The following METTL8 variants were observed in gnomAD, a reference collection of about 807,000 sequenced individuals.
The protein encoded by METTL8 is tRNA N(3)-cytidine methyltransferase METTL8, mitochondrial.
In METTL8, 32 loss-of-function variants were observed where a neutral mutation model predicts 48.7. The ratio of observed to expected loss-of-function variants is 0.66; its 90% CI spans 0.50 to 0.88. The LOEUF (loss-of-function observed/expected upper bound fraction) is 0.88. Ranked by LOEUF, METTL8 falls within the 40% of genes least tolerant of loss-of-function variation. The probability of loss-of-function intolerance (pLI) is 0.00; values close to 1 mark genes in which losing one functional copy is unlikely to be tolerated. For missense variants in METTL8, 464 were observed against 474.4 expected (o/e 0.98, Z 0.20); for synonymous variants, 136 against 157.1 (o/e 0.87, Z 1.01).
At chr2:171,357,759 A>T (rs1312788705) in intron 3 of METTL8, among the ~76,000 whole-genome samples, 1 of 152,070 alleles carries the variant, frequency 6.6e-6, no homozygotes, top group African/African-American at 2.4e-5. Context: ...CAGTGGCACA[A>T]TTACAGCTTA....
intron 3 of METTL8, among the ~76,000 whole-genome samples, chr2:171,342,086 C>T (rs769806485): frequency 1.3e-5 from 2 of 152,228 alleles, no homozygotes; most frequent in Non-Finnish European, 2.9e-5. Flanking sequence ...GAAGCCCCTA[C>T]TCTCAGAACA....
chr2:171,337,557 C>G (rs1686251652), intron 4 of METTL8, 55 bp from the exon 5 acceptor site: 1 of 1,380,688 alleles, frequency 7.2e-7, no homozygotes, highest in Admixed American at 2.0e-5. Flanking sequence ...ATTTTTGTCA[C>G]CAATGTCAGA....
At chr2:171,357,461 A>C (rs549311665) in intron 3 of METTL8, among the ~76,000 whole-genome samples, 1 of 152,352 alleles carries the variant, frequency 6.6e-6, no homozygotes, top group Non-Finnish European at 1.5e-5. Flanking sequence ...GATACCTAGA[A>C]ATCAATTAAA....
At chr2:171,363,816 C>CT (rs1273986340) in intron 2 of METTL8, among the ~76,000 whole-genome samples, 752 of 44,590 alleles carry the variant, frequency 0.017, 16 homozygotes, top group African/African-American at 0.051. Flanking sequence ...ATATATATAT[C>CT]TTTTTTTTTT....
intron 1 of METTL8, among the ~76,000 whole-genome samples, chr2:171,425,479 C>T (rs1249410102): frequency 6.6e-6 from 1 of 152,158 alleles, no homozygotes. Context: ...CTCCTATTTG[C>T]TTTGAAGAAG....
chr2:171,359,585 T>C lies in METTL8; in HGVS notation c.235+837A>G, dbSNP rs370264163. On this transcript the variant is annotated intron_variant, in intron 3 of 9. Transcript: ENST00000375258. The stretch of plus-strand genomic sequence containing the variant: ...ACTCCCATGTCTACTGCAGCTCTAT[T>C]CATAGTAGCCATAACATGGAATCAA... Among the ~76,000 whole-genome samples the C allele has an allele frequency of 2.8e-4, 43 of 152,042 alleles. No homozygotes were observed. The South Asian group carries it at 8.5e-3, about 30-fold the overall frequency.
intron 1 of METTL8, among the ~76,000 whole-genome samples, chr2:171,405,441 T>C (rs139496751): frequency 2.6e-5 from 4 of 152,334 alleles, no homozygotes; most frequent in Non-Finnish European, 5.9e-5. Context: ...AAATCAGTGA[T>C]GACCTTTATC....
At chr2:171,371,021 C>T (rs1686274350) in intron 2 of METTL8, among the ~76,000 whole-genome samples, 1 of 152,096 alleles carries the variant, frequency 6.6e-6, no homozygotes, top group Non-Finnish European at 1.5e-5. Context: ...TATAATTATT[C>T]TATTTCATCA....
intron 7 of METTL8, among the ~76,000 whole-genome samples, chr2:171,328,388 T>C (rs939076330): frequency 6.6e-6 from 1 of 152,230 alleles, no homozygotes; most frequent in Non-Finnish European, 1.5e-5. Flanking sequence ...TCTAGCCAAA[T>C]TGCTTGCCAT....
chr2:171,386,755 C>A (rs1688091265), intron 2 of METTL8, among the ~76,000 whole-genome samples: 1 of 152,112 alleles, frequency 6.6e-6, no homozygotes, highest in African/African-American at 2.4e-5. Context: ...TGAGGACAGG[C>A]ATTTCCTGCC....
Position 171,371,375 on chromosome 2 carries a change from G to GA in METTL8, c.144-10863dup, listed in dbSNP as rs1377795536. Reference sequence around the variant, plus strand: ...ATTTTTCATTATTAATTTATTTTTTGAGACAGAATCTCACTCCATCACCCA... The same window carrying GA: ...ATTTTTCATTATTAATTTATTTTTTGAAGACAGAATCTCACTCCATCACCCA... On this transcript the variant is annotated intron_variant, in intron 2 of 9. Transcript: ENST00000375258. 5.9e-5 allele frequency among the ~76,000 whole-genome samples: 9 copies of GA among 151,940 alleles called. No homozygotes were observed. In the East Asian group the frequency reaches 1.2e-3, roughly 20 times the overall value.
intron 3 of METTL8, among the ~76,000 whole-genome samples, chr2:171,355,312 C>T (rs1684405468): frequency 6.6e-6 from 1 of 152,226 alleles, no homozygotes; most frequent in Non-Finnish European, 1.5e-5. Context: ...ATGCTGCTGT[C>T]TGATCGTTCC....
intron 2 of METTL8, among the ~76,000 whole-genome samples, chr2:171,365,651 C>A (rs999267771): frequency 6.6e-6 from 1 of 152,158 alleles, no homozygotes; most frequent in Non-Finnish European, 1.5e-5. Flanking sequence ...TACAAACAAA[C>A]ACACACATTT....
chr2:171,430,088 TAG>T, intron 1 of METTL8, among the ~76,000 whole-genome samples: 1 of 148,384 alleles, frequency 6.7e-6, no homozygotes, highest in East Asian at 2.0e-4. Flanking sequence ...CCAGGAACGG[TAG>T]CTCATGCCTA....
chr2:171,425,423 C>T (rs990531309), intron 1 of METTL8, among the ~76,000 whole-genome samples: 4 of 152,128 alleles, frequency 2.6e-5, no homozygotes, highest in African/African-American at 9.7e-5. Context: ...TCATAGGTTA[C>T]TTTTATGTAA....
intron 1 of METTL8, among the ~76,000 whole-genome samples, chr2:171,427,094 T>C (rs16859386): frequency 0.031 from 4,761 of 152,268 alleles, 84 homozygotes; most frequent in East Asian, 0.051. Context: ...TTTTGAGGAG[T>C]TTGGGAATAT....
rs575407531 is a variant in METTL8 at position 171,316,069 on chromosome 2, T to C, written c.*8103A>G. Among the ~76,000 whole-genome samples the C allele has an allele frequency of 3.3e-5, 5 of 152,246 alleles. No individual in the cohort carries two copies. The highest frequency in any genetic ancestry group is 1.2e-4 in the African/African-American group (5 of 41,466). ...ATTCTCGAGAGCTTCCTCGTGCACATGATCAGCTTTTGCACATGCTTGGAG... is the reference window on the plus strand; with the variant it reads ...ATTCTCGAGAGCTTCCTCGTGCACACGATCAGCTTTTGCACATGCTTGGAG... On this transcript the variant is annotated 3_prime_UTR_variant, in exon 10 of 10. Transcript: ENST00000375258.
intron 2 of METTL8, among the ~76,000 whole-genome samples, chr2:171,364,594 T>C (rs1340099516): frequency 1.3e-5 from 2 of 152,206 alleles, no homozygotes; most frequent in Non-Finnish European, 2.9e-5. Context: ...TACAATTGAA[T>C]AATGTTTCCT....
In METTL8 at chr2:171,339,452, T is replaced by G; in HGVS notation, c.338A>C (p.Glu113Ala). The change falls in exon 4 of 10, where the codon GAA becomes GCA. Residue 113 changes from glutamate to alanine, a missense_variant. By Grantham distance (107) the Glu-to-Ala change is moderately radical. Transcript: ENST00000375258. ...AGGTTTTTGATCAACTGGAAGAATT[T>G]CAGGAAATTCCCTCAACAGCCAATT... is the stretch of plus-strand genomic sequence containing the variant. ...DRNWLLREFP[E>A]ILPVDQKPEE... The G allele has an allele frequency of 6.2e-7, 1 of 1,613,710 alleles. No individual in the cohort carries two copies.
Sources: allele counts gnomAD v4.1 joint callset (sites outside exome capture counted in the v4.1 genomes callset), GRCh38; gene constraint gnomAD v4.1.1; transcripts MANE v1.5; gene names NCBI Gene and HGNC (gene_info 2026-07-23, HGNC 2026-07-21).